Variants in AKAP9 observed in about 807,000 individuals in gnomAD.
The protein encoded by AKAP9 is A-kinase anchoring protein 9.
AKAP9 carries 311 observed loss-of-function variants against 488.5 expected under a neutral mutation model. The ratio of observed to expected loss-of-function variants is 0.64; its 90% CI spans 0.58 to 0.70. AKAP9 has a LOEUF of 0.70. Ranked by LOEUF, AKAP9 falls within the 30% of genes least tolerant of loss-of-function variation. The pLI is 0.00. For synonymous variants in AKAP9, 1,462 were observed against 1,483.5 expected (o/e 0.99, Z 0.33); for missense variants, 4,215 against 4,374.5 (o/e 0.96, Z 1.03).
intron 20 of AKAP9, chr7:92,043,348 T>C (rs1021315284): frequency 3.0e-6 from 3 of 984,082 alleles, no homozygotes; most frequent in Non-Finnish European, 3.6e-6. Flanking sequence ...TGGAACGCAG[T>C]CAGTATGGAA....
At chr7:92,108,815 T>A in intron 49 of AKAP9, 182 bp downstream of exon 49, 1 of 763,284 alleles carries the variant, frequency 1.3e-6, no homozygotes, top group Non-Finnish European at 2.3e-6. Context: ...TTTAAATAAT[T>A]TAAGTGAAAA....
chr7:92,097,566 A>C lies in AKAP9; in HGVS notation c.10399-20A>C. 1 of 1,610,154 alleles carries C rather than the reference A, an allele frequency of 6.2e-7. No individual in the cohort carries two copies. The highest frequency in any genetic ancestry group is 1.1e-5 in the South Asian group (1 of 90,826). ...GTTCACTTATAATTATTGTTTTCTT[A>C]TTCTGTCCAAAATTGCCAGCCAACC... On this transcript the variant is annotated intron_variant, in intron 41 of 49. Coordinates refer to ENST00000356239, the MANE Select transcript of AKAP9 (RefSeq NM_005751.5).
chr7:92,085,095 C>G (rs1213571250), intron 35 of AKAP9, among the ~76,000 whole-genome samples, 155 bp downstream of exon 35: 1 of 152,106 alleles, frequency 6.6e-6, no homozygotes, highest in Non-Finnish European at 1.5e-5. Flanking sequence ...CCACATTTCA[C>G]AGATAATAAA....
chr7:91,959,983 C>G (rs905674642), intron 1 of AKAP9, among the ~76,000 whole-genome samples: 1 of 152,144 alleles, frequency 6.6e-6, no homozygotes, highest in Non-Finnish European at 1.5e-5. Context: ...CTGTTATAAT[C>G]TTTTTATTTC....
At position 92,016,866 on chromosome 7, in the gene AKAP9, G is replaced by GA. The variant is rs1801578468; in HGVS notation, c.3752-149dup. On this transcript the variant is annotated intron_variant, in intron 11 of 49. Coordinates refer to ENST00000356239, the MANE Select transcript of AKAP9 (RefSeq NM_005751.5). The stretch of plus-strand genomic sequence containing the variant: ...TATCTTTGTAGCAGGCATTTCACAT[G>GA]AATGAGATTTCAATTTTCAGTTACT... 1.2e-4 allele frequency: 72 copies of GA among 619,106 alleles called. 3 individuals are homozygous for GA. The South Asian group carries it at 1.4e-3, about 12-fold the overall frequency. 38.4% of individuals were successfully genotyped at this position (619,106 alleles called of 1,614,324 possible).
At position 92,079,404 on chromosome 7, in the gene AKAP9, A is replaced by G. The variant is rs775766524; in HGVS notation, c.7271A>G (p.Asn2424Ser). 6.2e-7 allele frequency: 1 copy of G among 1,613,988 alleles called. No homozygotes were observed. Among genetic ancestry groups the G allele is most frequent in the Non-Finnish European group, 8.5e-7 (1 of 1,180,006 alleles). Residue 2424 changes from asparagine (N) to serine (S), a missense_variant, in exon 31 of 50, where the codon AAT becomes AGT. Asn to Ser is a conservative substitution (Grantham distance 46). This residue lies in a region of AKAP9 where 1,476 missense variants were observed against 1,477.4 expected (regional missense o/e 1.00). Transcript: ENST00000356239. ...NVLKETNFKM[N>S]QLTQELFSLK... ...CTTAAAGAAACCAATTTTAAAATGA[A>G]TCAGCTAACACAGGAATTATTCAGC...
rs771793410 is a variant in AKAP9 at position 92,065,340 on chromosome 7, T to C, written c.6087T>C (p.Asp2029=). Residue 2029 remains aspartate, a synonymous_variant, in exon 25 of 50, where the codon GAT becomes GAC. Transcript: ENST00000356239. ...LQKQVKALEI[D]VEEQVSRFIE... is the part of the protein sequence containing the mutation. ...AACAAGTGAAAGCTCTAGAAATAGA[T>C]GTGGAAGAACAAGTCAGTAGGTTTA... 1.2e-6 allele frequency: 2 copies of C among 1,612,992 alleles called. No individual in the cohort carries two copies. Among genetic ancestry groups the C allele is most frequent in the South Asian group, 2.2e-5 (2 of 91,046 alleles).
intron 42 of AKAP9, 149 bp from the exon 43 acceptor site, chr7:92,097,960 C>G (rs1227683773): frequency 1.1e-5 from 9 of 852,762 alleles, no homozygotes; most frequent in South Asian, 3.0e-5. Context: ...CTGAAAACAA[C>G]TATCTAACAC....
Position 92,031,610 on chromosome 7 carries a change from C to G in AKAP9, c.4338+6C>G, listed in dbSNP as rs759288087. The G allele has an allele frequency of 1.9e-6, 3 of 1,575,492 alleles. No homozygotes were observed. In the South Asian group the frequency reaches 3.3e-5, roughly 17 times the overall value. On this transcript the variant is annotated splice_donor_region_variant and intron_variant, in intron 16 of 49. Transcript: ENST00000356239. The stretch of plus-strand genomic sequence containing the variant: ...TAGAAGAAGAAGTAGCTAAGGTAGG[C>G]TTATAGCTTATCTGGAAGATTATCT...
At chr7:92,068,904 T>C (rs1288317735) in intron 26 of AKAP9, among the ~76,000 whole-genome samples, 1 of 152,206 alleles carries the variant, frequency 6.6e-6, no homozygotes, top group East Asian at 1.9e-4. Flanking sequence ...ACTTTATTTC[T>C]TACCATCACA....
intron 17 of AKAP9, among the ~76,000 whole-genome samples, chr7:92,039,822 A>C (rs1805769690): frequency 6.6e-6 from 1 of 152,122 alleles, no homozygotes; most frequent in Non-Finnish European, 1.5e-5. Flanking sequence ...TAAAAATACA[A>C]AAATTAGCTG....
chr7:92,050,624 T>C (rs891248004), intron 21 of AKAP9, among the ~76,000 whole-genome samples: 3 of 152,192 alleles, frequency 2.0e-5, no homozygotes, highest in Non-Finnish European at 4.4e-5. Flanking sequence ...ACAGGTTCTT[T>C]TGTTAGATTA....
chr7:92,010,774 C>T (rs556390242), intron 8 of AKAP9, among the ~76,000 whole-genome samples: 4 of 152,246 alleles, frequency 2.6e-5, no homozygotes, highest in Non-Finnish European at 4.4e-5. Flanking sequence ...TCATCTCAGC[C>T]TCCTAAGTAG....
Position 92,089,520 on chromosome 7 carries a change from C to T in AKAP9, c.9349C>T (p.Pro3117Ser), listed in dbSNP as rs769119204. The change falls in exon 38 of 50, where the codon CCA becomes TCA. Residue 3117 changes from proline to serine, a missense_variant. Coordinates refer to ENST00000356239, the MANE Select transcript of AKAP9 (RefSeq NM_005751.5). The part of the protein sequence containing the change: ...TLKREQESEK[P>S]SQELLEYNIQ... ...GAAAAGAGAACAAGAGAGTGAGAAA[C>T]CAAGCCAAGGTATGTTGTATGACAA... 2.5e-6 allele frequency: 4 copies of T among 1,613,244 alleles called. No homozygotes were observed. In the East Asian group the frequency reaches 8.9e-5, roughly 36 times the overall value.
chr7:91,967,860 TTGAGTA>T (rs1166332483), intron 1 of AKAP9, among the ~76,000 whole-genome samples: 7 of 152,302 alleles, frequency 4.6e-5, no homozygotes, highest in Non-Finnish European at 1.0e-4. Flanking sequence ...TTTGAAGAGT[TTGAGTA>T]TAATTGTTAT....
Position 92,040,806 on chromosome 7 carries a change from A to C in AKAP9, c.4825A>C (p.Arg1609=), listed in dbSNP as rs143473598. The change falls in exon 18 of 50, where the codon AGG becomes CGG. Residue 1609 remains arginine, a synonymous_variant. Transcript: ENST00000356239. ...QEHQQATELL[R]QAHMRQMERQ... is the part of the protein sequence containing the mutation. ...ACATCAACAGGCAACGGAATTGTTAAGGCAAGCACATATGCGGCAAATGGA... is the reference window on the plus strand; with the variant it reads ...ACATCAACAGGCAACGGAATTGTTACGGCAAGCACATATGCGGCAAATGGA... 573 of 1,614,092 alleles carry C rather than the reference A, an allele frequency of 3.5e-4. 2 individuals are homozygous for C. The Middle Eastern group carries it at 6.3e-3, about 18-fold the overall frequency.
rs1163100289 is a variant in AKAP9 at position 92,079,824 on chromosome 7, T to C, written c.7691T>C (p.Val2564Ala). 6.2e-7 allele frequency: 1 copy of C among 1,614,074 alleles called. No individual in the cohort carries two copies. The highest frequency in any genetic ancestry group is 1.1e-5 in the South Asian group (1 of 91,082). ...GTCAGTCAAATCCAACTTGAGGCAG[T>C]TCAGGAATATGCAAAATTCTGTCAA... The part of the protein sequence containing the change: ...ALVSQIQLEA[V>A]QEYAKFCQDN... The change falls in exon 31 of 50, where the codon GTT (valine) becomes GCT (alanine). Residue 2564 changes from valine to alanine, a missense_variant. Coordinates refer to ENST00000356239, the MANE Select transcript of AKAP9 (RefSeq NM_005751.5).
chr7:92,012,666 G>T (rs1303645790), intron 9 of AKAP9, 24 bp downstream of exon 9: 6 of 1,564,832 alleles, frequency 3.8e-6, no homozygotes, highest in Non-Finnish European at 5.3e-6. Context: ...TGACTTATAA[G>T]TACCATGATC....
At chr7:92,107,884 T>G (rs1818777392) in intron 48 of AKAP9, 3 of 172,354 alleles carry the variant, frequency 1.7e-5, no homozygotes, top group Admixed American at 1.7e-4. Flanking sequence ...CCAGGCATGG[T>G]GGTGGGTGCC....
Sources: allele counts gnomAD v4.1 joint callset (sites outside exome capture counted in the v4.1 genomes callset), GRCh38; gene constraint gnomAD v4.1.1; regional missense constraint gnomAD v4.1.1; transcripts MANE v1.5; gene names NCBI Gene and HGNC (gene_info 2026-07-23, HGNC 2026-07-21).